Variants in PDCD4 observed in about 807,000 individuals in gnomAD.
PDCD4 encodes the protein programmed cell death 4, also known as programmed cell death protein 4.
PDCD4 carries 56 observed loss-of-function variants against 54.0 expected under a neutral mutation model. The observed-to-expected ratio is 1.04, with a 90% CI of 0.84 to 1.30. The LOEUF is 1.30. PDCD4 is among the 50% of genes most tolerant of loss of function. The pLI is 0.00. For synonymous variants in PDCD4, 186 were observed against 194.8 expected (o/e 0.95, Z 0.37); for missense variants, 584 against 559.8 (o/e 1.04, Z -0.44).
intron 4 of PDCD4, among the ~76,000 whole-genome samples, chr10:110,883,708 C>G (rs1845627244): frequency 6.6e-6 from 1 of 151,990 alleles, no homozygotes. Flanking sequence ...TATTTTGAAG[C>G]AAATCCCAAA....
intron 3 of PDCD4, 135 bp from the exon 4 acceptor site, chr10:110,882,868 A>G (rs978482727): frequency 2.2e-5 from 13 of 603,718 alleles, no homozygotes; most frequent in Admixed American, 1.6e-4. Flanking sequence ...CAGTAGGGGA[A>G]GAAAACTGGA....
intron 1 of PDCD4, among the ~76,000 whole-genome samples, chr10:110,872,544 C>G (rs1000654350): frequency 1.1e-4 from 16 of 152,176 alleles, no homozygotes; most frequent in Non-Finnish European, 1.5e-4. Flanking sequence ...GGCCCAGCCC[C>G]TTCCGGGGGC....
At chr10:110,884,325 C>T (rs529769456) in intron 4 of PDCD4, among the ~76,000 whole-genome samples, 32 of 152,220 alleles carry the variant, frequency 2.1e-4, no homozygotes, top group South Asian at 1.7e-3. Flanking sequence ...CATCCTCGGA[C>T]GGGGCTTGGA....
chr10:110,899,380 C>G lies in PDCD4; in HGVS notation c.*1292C>G, dbSNP rs973935747. On this transcript the variant is annotated 3_prime_UTR_variant, in exon 12 of 12. Coordinates refer to ENST00000280154, the MANE Select transcript of PDCD4 (RefSeq NM_014456.5). ...TATTACCTCAGCTTATATATAGTTA[C>G]CATTTTTAGGTTTTTAATTGTTTGA... 7 of 152,126 alleles carry G rather than the reference C, an allele frequency of 4.6e-5. No individual in the cohort carries two copies. Among genetic ancestry groups the G allele is most frequent in the African/African-American group, 1.2e-4 (5 of 41,426 alleles). The allele number at this position is 152,126 out of a possible 1,614,324, so 9.4% of individuals were successfully genotyped here.
intron 3 of PDCD4, among the ~76,000 whole-genome samples, chr10:110,882,434 A>G (rs1209208482): frequency 6.6e-6 from 1 of 152,222 alleles, no homozygotes; most frequent in African/African-American, 2.4e-5. Context: ...GTATTTAGAA[A>G]ACAGAATTTT....
intron 1 of PDCD4, among the ~76,000 whole-genome samples, chr10:110,872,737 T>C (rs1845439176): frequency 6.6e-6 from 1 of 152,248 alleles, no homozygotes; most frequent in Non-Finnish European, 1.5e-5. Context: ...TCTCTTTTTT[T>C]TAGTTTAGGT....
intron 2 of PDCD4, among the ~76,000 whole-genome samples, chr10:110,876,306 C>CT (rs1564679424): frequency 6.6e-6 from 1 of 152,142 alleles, no homozygotes; most frequent in Non-Finnish European, 1.5e-5. Flanking sequence ...GTTGCCTAGG[C>CT]TGAAATATCT....
intron 2 of PDCD4, among the ~76,000 whole-genome samples, chr10:110,877,162 T>A (rs1245330768): frequency 6.6e-6 from 1 of 152,232 alleles, no homozygotes; most frequent in Non-Finnish European, 1.5e-5. Flanking sequence ...GCTTTAGGGT[T>A]ATAAATGGAT....
Position 110,881,497 on chromosome 10 carries a change from G to A in PDCD4, c.308G>A (p.Arg103Gln), listed in dbSNP as rs1384886007. 2.7e-5 allele frequency: 44 copies of A among 1,612,912 alleles called. No individual in the cohort carries two copies. The highest frequency in any genetic ancestry group is 3.2e-5 in the Non-Finnish European group (38 of 1,179,072). Residue 103 changes from arginine to glutamine, a missense_variant, in exon 3 of 12, where the codon CGA becomes CAA. Arg to Gln is a conservative substitution (Grantham distance 43). Transcript: ENST00000280154. ...CCAAAGGGAAGGTTGCTGGATAGGC[G>A]ATCCAGATCTGGGAAAGGAAGGGGA... ...TSPKGRLLDR[R>Q]SRSGKGRGLP... is the part of the protein sequence containing the mutation.
At chr10:110,887,624 G>C in intron 5 of PDCD4, 41 bp from the exon 6 acceptor site, 3 of 1,422,636 alleles carry the variant, frequency 2.1e-6, no homozygotes, top group Non-Finnish European at 3.0e-6. Context: ...TATAGGTAGT[G>C]ATACACTTTT....
chr10:110,896,192 G>A (rs960040504), intron 11 of PDCD4, 105 bp downstream of exon 11: 7 of 803,008 alleles, frequency 8.7e-6, no homozygotes, highest in South Asian at 3.7e-5. Flanking sequence ...ACTGAAGAAC[G>A]TGACTCTTGT....
At position 110,898,157 on chromosome 10, in the gene PDCD4, A is replaced by G; in HGVS notation, c.*69A>G. On this transcript the variant is annotated 3_prime_UTR_variant, in exon 12 of 12. Transcript: ENST00000280154. ...CTGAATTGTAAGAGTTGTTAGCACA[A>G]GTTTTTTTTTTTTTTTTTTTTAAGC... 1.5e-6 allele frequency: 1 copy of G among 672,992 alleles called. No homozygotes were observed. The allele number at this position is 672,992 out of a possible 1,614,324, so 41.7% of individuals were successfully genotyped here.
Position 110,887,725 on chromosome 10 carries a change from T to C in PDCD4, c.616T>C (p.Ser206Pro), listed in dbSNP as rs1397258170. Residue 206 changes from serine to proline, a missense_variant, in exon 6 of 12, where the codon TCC becomes CCC. Coordinates refer to ENST00000280154, the MANE Select transcript of PDCD4 (RefSeq NM_014456.5). ...AAGTGGAGTACCAGTGTTGGCAGTATCCTTAGCATTGGAGGGGAAGGCTAG... is the reference window on the plus strand; with the variant it reads ...AAGTGGAGTACCAGTGTTGGCAGTACCCTTAGCATTGGAGGGGAAGGCTAG... ...MKSGVPVLAV[S>P]LALEGKASHR... The C allele has an allele frequency of 6.2e-7, 1 of 1,613,460 alleles. No individual in the cohort carries two copies. The highest frequency in any genetic ancestry group is 1.3e-5 in the African/African-American group (1 of 74,900).
At chr10:110,882,513 G>A (rs1392752052) in intron 3 of PDCD4, among the ~76,000 whole-genome samples, 1 of 152,090 alleles carries the variant, frequency 6.6e-6, no homozygotes, top group East Asian at 1.9e-4. Context: ...TAGTTGTATG[G>A]TTTAATGTGT....
In PDCD4 at chr10:110,880,754, C is replaced by T. The variant is rs1012809048; in HGVS notation, c.44-479C>T. 5.3e-5 allele frequency among the ~76,000 whole-genome samples: 8 copies of T among 152,140 alleles called. No individual in the cohort carries two copies. The South Asian group carries it at 1.7e-3, about 32-fold the overall frequency. On this transcript the variant is annotated intron_variant, in intron 2 of 11. Coordinates refer to ENST00000280154, the MANE Select transcript of PDCD4 (RefSeq NM_014456.5). ...CTTCAATGTTATAATAATTAACTGC[C>T]AAACTTGTGCATAAATAAATGATAG...
rs747327011 is a variant in PDCD4, at chr10:110,881,481, A to C, written c.292A>C (p.Arg98=). 3 of 1,614,110 alleles carry C rather than the reference A, an allele frequency of 1.9e-6. No homozygotes were observed. The highest frequency in any genetic ancestry group is 2.5e-6 in the Non-Finnish European group (3 of 1,179,954). Residue 98 remains arginine (R), a synonymous_variant, in exon 3 of 12, where the codon AGG becomes CGG. Transcript: ENST00000280154. ...AACTGTGCCAACCAGTCCAAAGGGA[A>C]GGTTGCTGGATAGGCGATCCAGATC... ...GLTVPTSPKG[R]LLDRRSRSGK... is the part of the protein sequence containing the mutation.
At chr10:110,890,930 T>C (rs1845745672) in intron 8 of PDCD4, 1 of 282,044 alleles carries the variant, frequency 3.5e-6, no homozygotes, top group Non-Finnish European at 6.5e-6. Context: ...ATGCCTGAAA[T>C]CTTTTTCTTA....
intron 11 of PDCD4, among the ~76,000 whole-genome samples, chr10:110,897,062 T>C (rs1037486643): frequency 6.6e-6 from 1 of 152,252 alleles, no homozygotes; most frequent in Admixed American, 6.5e-5. Context: ...GACTGCTTTT[T>C]CATTCCCTAC....
chr10:110,880,840 A>G (rs1242041776), intron 2 of PDCD4, among the ~76,000 whole-genome samples: 2 of 152,204 alleles, frequency 1.3e-5, no homozygotes, highest in Non-Finnish European at 2.9e-5. Flanking sequence ...CTCTCTTCTC[A>G]AGATGCTTTG....
Sources: gnomAD v4.1 joint callset for allele counts (sites outside exome capture counted in the v4.1 genomes callset) on GRCh38, gnomAD v4.1.1 for gene constraint, MANE v1.5 for transcripts, NCBI Gene and HGNC (gene_info 2026-07-23, HGNC 2026-07-21) for gene names.